Variants in PPFIBP2 observed in about 807,000 individuals in gnomAD.
The protein encoded by PPFIBP2 is liprin-beta-2.
A neutral mutation model predicts 118.3 loss-of-function variants in PPFIBP2; 118 were observed. That is an observed-to-expected ratio of 1.00 (90% CI 0.86 to 1.16). The LOEUF is 1.16. Among genes scored for constraint, PPFIBP2 ranks in the 50% most tolerant of loss-of-function variants. The pLI is 0.00. For synonymous variants in PPFIBP2, 414 were observed against 397.4 expected, an observed-to-expected ratio of 1.04 and a Z score of -0.50; for missense variants, 1,195 against 1,073.1, an observed-to-expected ratio of 1.11 and a Z score of -1.59.
the PPFIBP2 span, chr11:7,665,095 T>C: frequency 1.5e-5 from 4 of 261,870 alleles, no homozygotes; most frequent in Admixed American, 5.0e-5. Flanking sequence ...CCACACTTCA[T>C]GGGCTGTCTG....
chr11:7,593,843 A>G (rs562745113), intron 4 of PPFIBP2, among the ~76,000 whole-genome samples: 1 of 152,370 alleles, frequency 6.6e-6, no homozygotes, highest in African/African-American at 2.4e-5. Context: ...AGAGTTAGGT[A>G]TTCTCATAAG....
At chr11:7,595,463 TAATG>T (rs1860111296) in intron 4 of PPFIBP2, among the ~76,000 whole-genome samples, 3 of 152,382 alleles carry the variant, frequency 2.0e-5, no homozygotes, top group Admixed American at 1.3e-4. Flanking sequence ...TCCTGTGTAA[TAATG>T]CTCCCTTTCA....
intron 9 of PPFIBP2, 113 bp downstream of exon 9, chr11:7,628,459 A>T: frequency 1.0e-6 from 1 of 985,452 alleles, no homozygotes; most frequent in Non-Finnish European, 1.5e-6. Context: ...TGCCATTGAC[A>T]TAGGGATATG....
chr11:7,583,930 C>G (rs931534155), intron 3 of PPFIBP2, among the ~76,000 whole-genome samples: 1 of 152,196 alleles, frequency 6.6e-6, no homozygotes, highest in Non-Finnish European at 1.5e-5. Flanking sequence ...TAGGGGTATT[C>G]CTTTAAAGCC....
chr11:7,634,666 T>A, intron 13 of PPFIBP2, 114 bp downstream of exon 13: 2 of 799,086 alleles, frequency 2.5e-6, no homozygotes, highest in Admixed American at 4.5e-5. Flanking sequence ...TTTATAAAGT[T>A]GTAGAGGAAG....
At chr11:7,516,149 A>T (rs866874804) in intron 1 of PPFIBP2, among the ~76,000 whole-genome samples, 19 of 152,198 alleles carry the variant, frequency 1.2e-4, no homozygotes, top group African/African-American at 4.6e-4. Flanking sequence ...GATTCTGTTG[A>T]CAAACCCGAA....
chr11:7,644,944 G>C (rs1269142136), intron 17 of PPFIBP2, among the ~76,000 whole-genome samples: 3 of 141,942 alleles, frequency 2.1e-5, no homozygotes, highest in African/African-American at 5.4e-5. Flanking sequence ...GGAGAATGGC[G>C]TGAACCCGGG....
At chr11:7,522,548 T>C (rs1010003078) in intron 1 of PPFIBP2, among the ~76,000 whole-genome samples, 4 of 152,176 alleles carry the variant, frequency 2.6e-5, no homozygotes, top group African/African-American at 9.7e-5. Flanking sequence ...CTATCTTCTG[T>C]AGCACATGAG....
intron 5 of PPFIBP2, among the ~76,000 whole-genome samples, chr11:7,609,506 G>A (rs1847807276): frequency 6.6e-6 from 1 of 152,192 alleles, no homozygotes; most frequent in South Asian, 2.1e-4. Flanking sequence ...TTACTTCTAA[G>A]TGGGTGTCTT....
intron 7 of PPFIBP2, among the ~76,000 whole-genome samples, chr11:7,623,655 C>T (rs1272152537): frequency 6.6e-6 from 1 of 152,166 alleles, no homozygotes; most frequent in African/African-American, 2.4e-5. Context: ...CTCTCTTGAT[C>T]GGTCCACATT....
intron 17 of PPFIBP2, among the ~76,000 whole-genome samples, chr11:7,647,500 T>TC: frequency 1.3e-5 from 2 of 152,278 alleles, no homozygotes; most frequent in East Asian, 3.9e-4. Context: ...CCACACATAA[T>TC]CACACAAGGC....
At chr11:7,571,232 C>G (rs1855617095) in intron 3 of PPFIBP2, among the ~76,000 whole-genome samples, 2 of 152,170 alleles carry the variant, frequency 1.3e-5, no homozygotes, top group African/African-American at 4.8e-5. Context: ...ACAAAGAAAC[C>G]CAGACCCAGG....
At chr11:7,665,920 G>A in the PPFIBP2 span, 50 of 1,535,920 alleles carry the variant, frequency 3.3e-5, no homozygotes, top group South Asian at 3.8e-4. Flanking sequence ...GTAGGGTAGC[G>A]CCCTCTGCCG....
chr11:7,562,927 TTTTATATA>T (rs1287008419), intron 2 of PPFIBP2, among the ~76,000 whole-genome samples: 5 of 81,928 alleles, frequency 6.1e-5, no homozygotes, highest in Non-Finnish European at 9.8e-5. Flanking sequence ...GAAATTAAAG[TTTTATATA>T]TATATATATA....
intron 1 of PPFIBP2, chr11:7,548,580 A>T (rs1329082406): frequency 2.0e-5 from 3 of 152,238 alleles, no homozygotes; most frequent in Non-Finnish European, 4.4e-5. Context: ...AACAAGAAAA[A>T]TGAGAGGAGG....
At chr11:7,579,060 G>A (rs1258671679) in intron 3 of PPFIBP2, among the ~76,000 whole-genome samples, 1 of 152,036 alleles carries the variant, frequency 6.6e-6, no homozygotes, top group Non-Finnish European at 1.5e-5. Context: ...GGTCTAGTTT[G>A]TATTTTAAGA....
intron 1 of PPFIBP2, among the ~76,000 whole-genome samples, chr11:7,537,181 C>A (rs1851304734): frequency 6.6e-6 from 1 of 152,124 alleles, no homozygotes; most frequent in Non-Finnish European, 1.5e-5. Flanking sequence ...AGGTGAGAGA[C>A]CCTTCTCAAG....
At chr11:7,585,772 TC>T (rs1225574258) in intron 3 of PPFIBP2, among the ~76,000 whole-genome samples, 2 of 152,206 alleles carry the variant, frequency 1.3e-5, no homozygotes, top group African/African-American at 4.8e-5. Context: ...GCCACTGCAG[TC>T]AGAGGGTGAT....
intron 6 of PPFIBP2, among the ~76,000 whole-genome samples, chr11:7,618,507 G>A (rs896810147): frequency 5.3e-5 from 8 of 152,134 alleles, no homozygotes; most frequent in Non-Finnish European, 8.8e-5. Flanking sequence ...AACAAACTGA[G>A]TAACCTGGCT....
Sources: gnomAD v4.1 joint callset for allele counts (sites outside exome capture counted in the v4.1 genomes callset) on GRCh38, gnomAD v4.1.1 for gene constraint, MANE v1.5 for transcripts, NCBI Gene and HGNC (gene_info 2026-07-23, HGNC 2026-07-21) for gene names.